RANBP2: variants seen among roughly 807,000 people sequenced by gnomAD.
The protein encoded by RANBP2 is RAN binding protein 2.
A neutral mutation model predicts 303.6 loss-of-function variants in RANBP2; 57 were observed. The ratio of observed to expected loss-of-function variants is 0.19; its 90% CI spans 0.15 to 0.23. RANBP2 has a LOEUF of 0.23. RANBP2 is among the 10% of genes least tolerant of loss of function. The pLI is 1.00. For missense variants in RANBP2, 3,138 were observed against 3,780.8 expected (o/e 0.83, Z 4.46); for synonymous variants, 1,167 against 1,301.5 (o/e 0.90, Z 2.23).
At chr2:108,968,028 C>G in the RANBP2 span, among the ~76,000 whole-genome samples, 1 of 152,182 alleles carries the variant, frequency 6.6e-6, no homozygotes, top group Non-Finnish European at 1.5e-5. Context: ...TGTTATTGAG[C>G]ATAGGACATG....
At chr2:109,555,707 C>G in the RANBP2 span, among the ~76,000 whole-genome samples, 1 of 152,200 alleles carries the variant, frequency 6.6e-6, no homozygotes, top group African/African-American at 2.4e-5. Flanking sequence ...TGATCAATTA[C>G]GCAGCTGACC....
chr2:109,007,001 T>C, the RANBP2 span, among the ~76,000 whole-genome samples: 1 of 152,210 alleles, frequency 6.6e-6, no homozygotes, highest in Non-Finnish European at 1.5e-5. Flanking sequence ...GTGAGACAAT[T>C]GTAGGGGAAC....
the RANBP2 span, among the ~76,000 whole-genome samples, chr2:109,349,313 C>T: frequency 6.6e-6 from 1 of 152,240 alleles, no homozygotes; most frequent in African/African-American, 2.4e-5. Context: ...AGGGATTCAA[C>T]TCCTTCTCCC....
chr2:109,401,319 G>T, the RANBP2 span, among the ~76,000 whole-genome samples: 1 of 152,234 alleles, frequency 6.6e-6, no homozygotes, highest in South Asian at 2.1e-4. Flanking sequence ...GGTTTGAGGG[G>T]TACCCCTAAG....
chr2:109,643,151 T>C, the RANBP2 span, among the ~76,000 whole-genome samples: 1 of 151,336 alleles, frequency 6.6e-6, no homozygotes. Context: ...CACTGCATTC[T>C]AGCATTCCAG....
chr2:109,384,621 C>A, the RANBP2 span, among the ~76,000 whole-genome samples: 1 of 152,172 alleles, frequency 6.6e-6, no homozygotes, highest in Non-Finnish European at 1.5e-5. Flanking sequence ...CCCTTCTCTG[C>A]CGAGTGCCCG....
chr2:109,138,302 C>T, the RANBP2 span, among the ~76,000 whole-genome samples: 3 of 152,324 alleles, frequency 2.0e-5, no homozygotes, highest in South Asian at 6.2e-4. Flanking sequence ...GCTGGGATTA[C>T]AGGTGTCAGC....
chr2:109,229,860 T>C, the RANBP2 span, among the ~76,000 whole-genome samples: 1 of 150,792 alleles, frequency 6.6e-6, no homozygotes, highest in Non-Finnish European at 1.5e-5. Context: ...AGTCTCGCTC[T>C]GTTGCCCAGG....
At chr2:108,992,828 C>T in the RANBP2 span, among the ~76,000 whole-genome samples, 1 of 152,210 alleles carries the variant, frequency 6.6e-6, no homozygotes, top group Non-Finnish European at 1.5e-5. Flanking sequence ...TGCCTCGTGG[C>T]ACAGTGGCTC....
chr2:108,956,851 C>T, the RANBP2 span, among the ~76,000 whole-genome samples: 11 of 151,874 alleles, frequency 7.2e-5, no homozygotes, highest in African/African-American at 2.4e-4. Context: ...TGCAATGGCA[C>T]GATCTCAGCA....
At chr2:109,396,105 G>T in the RANBP2 span, among the ~76,000 whole-genome samples, 1 of 152,172 alleles carries the variant, frequency 6.6e-6, no homozygotes, top group African/African-American at 2.4e-5. Flanking sequence ...CGCTCACTGT[G>T]CCCTGCTGCT....
the RANBP2 span, among the ~76,000 whole-genome samples, chr2:108,845,765 G>T: frequency 1.3e-5 from 2 of 152,004 alleles, no homozygotes; most frequent in Admixed American, 1.3e-4. Context: ...TAGAGATGGG[G>T]TTTCACCATG....
the RANBP2 span, among the ~76,000 whole-genome samples, chr2:109,044,662 C>T: frequency 6.6e-6 from 1 of 152,080 alleles, no homozygotes; most frequent in Non-Finnish European, 1.5e-5. Context: ...AGAATCTAAA[C>T]TAATAGGGTT....
chr2:109,386,775 G>A, the RANBP2 span, among the ~76,000 whole-genome samples: 1 of 152,136 alleles, frequency 6.6e-6, no homozygotes, highest in Non-Finnish European at 1.5e-5. Flanking sequence ...GGAAACCTTT[G>A]CTAGACCTTG....
the RANBP2 span, among the ~76,000 whole-genome samples, chr2:109,489,615 C>G: frequency 6.6e-6 from 1 of 152,224 alleles, no homozygotes; most frequent in Admixed American, 6.5e-5. Context: ...GATGGCCCGT[C>G]AGCAGCATCC....
chr2:109,240,884 C>G, the RANBP2 span, among the ~76,000 whole-genome samples: 1 of 144,386 alleles, frequency 6.9e-6, no homozygotes, highest in African/African-American at 2.6e-5. Context: ...TTCCATCTCT[C>G]TCTCTCTGTC....
chr2:108,800,330 TCTCGGCTCACTACAACCTCCACTTC>T, the RANBP2 span, among the ~76,000 whole-genome samples: 1 of 152,212 alleles, frequency 6.6e-6, no homozygotes, highest in Admixed American at 6.5e-5. Context: ...AGTGGCACGA[TCTCGGCTCACTACAACCTCCACTTC>T]CTGGGTTCAA....
the RANBP2 span, chr2:109,614,792 C>T: frequency 2.7e-6 from 4 of 1,473,736 alleles, no homozygotes; most frequent in Non-Finnish European, 3.6e-6. Flanking sequence ...AGGTGACCGC[C>T]GAGCCCGAGG....
chr2:109,664,458 G>A, the RANBP2 span, among the ~76,000 whole-genome samples: 1 of 151,646 alleles, frequency 6.6e-6, no homozygotes, highest in African/African-American at 2.4e-5. Context: ...AAAAAAATTA[G>A]TCTGGCATTG....
Sources: allele counts gnomAD v4.1 joint callset (sites outside exome capture counted in the v4.1 genomes callset), GRCh38; gene constraint gnomAD v4.1.1; transcripts MANE v1.5; gene names NCBI Gene and HGNC (gene_info 2026-07-23, HGNC 2026-07-21).